Variants in BAIAP3 observed in about 807,000 individuals in gnomAD.
The protein encoded by BAIAP3 is BAI1-associated protein 3.
In BAIAP3, 180 loss-of-function variants were observed where a neutral mutation model predicts 149.7. That is an observed-to-expected ratio of 1.20 (90% CI 1.07 to 1.36). The LOEUF (loss-of-function observed/expected upper bound fraction) is 1.36. BAIAP3 is among the 40% of genes most tolerant of loss of function. BAIAP3 has a pLI of 0.00. For synonymous variants in BAIAP3, 845 were observed against 670.7 expected, an observed-to-expected ratio of 1.26 and a Z score of -4.02; for missense variants, 1,767 against 1,563.4, an observed-to-expected ratio of 1.13 and a Z score of -2.20.
intron 1 of BAIAP3, chr16:1,334,470 G>T: frequency 1.7e-6 from 1 of 601,858 alleles, no homozygotes; most frequent in Non-Finnish European, 2.9e-6. Context: ...GCAGGGAGGG[G>T]GTCGGTGAGC....
In BAIAP3 at chr16:1,344,522, G is replaced by T; in HGVS notation, c.1656G>T (p.Glu552Asp). The T allele has an allele frequency of 6.2e-7, 1 of 1,612,978 alleles. No individual in the cohort carries two copies. ...DRILNDKSPR[E>D]QPGPQRLPGL... ...TCCTGAATGACAAGAGTCCCCGAGA[G>T]CAGGTGCAGTTGTGGGGGACCCTGG... The change falls in exon 18 of 34, where the codon GAG becomes GAT. Residue 552 changes from glutamate (E) to aspartate (D), a missense_variant. Physicochemically the swap from Glu to Asp is conservative, Grantham distance 45. Transcript: ENST00000426824.
Position 1,342,967 on chromosome 16 carries a change from T to C in BAIAP3, c.1216T>C (p.Cys406Arg), listed in dbSNP as rs1286532071. Reference sequence around the variant, plus strand: ...CAGCACACCAGCCGCCACCATCCTCTGCCTGCACGGAGCCCAGAGCAACCT... The same window carrying C: ...CAGCACACCAGCCGCCACCATCCTCCGCCTGCACGGAGCCCAGAGCAACCT... ...ELSTPAATILCLHGAQSNLSP... is the reference protein window; with the variant it reads ...ELSTPAATILRLHGAQSNLSP... The change falls in exon 14 of 34, where the codon TGC becomes CGC. Residue 406 changes from cysteine (C) to arginine (R), a missense_variant. Cys to Arg is a radical substitution (Grantham distance 180, BLOSUM62 -3). Coordinates refer to ENST00000426824, the MANE Select transcript of BAIAP3 (RefSeq NM_001199097.2). 6.2e-7 allele frequency: 1 copy of C among 1,611,126 alleles called. No individual in the cohort carries two copies. The highest frequency in any genetic ancestry group is 1.3e-5 in the African/African-American group (1 of 74,722).
intron 1 of BAIAP3, chr16:1,334,411 G>C (rs552188478): frequency 9.1e-6 from 5 of 547,786 alleles, no homozygotes; most frequent in Non-Finnish European, 1.6e-5. Context: ...TGGGGGTGTG[G>C]CTCCTGCGGG....
At chr16:1,337,106 G>GGTCT (rs933726821) in intron 1 of BAIAP3, among the ~76,000 whole-genome samples, 27 of 152,136 alleles carry the variant, frequency 1.8e-4, no homozygotes, top group Admixed American at 1.3e-4. Flanking sequence ...AGAGGTGGAG[G>GGTCT]GTCTGCACCT....
rs2033660447 is a variant in BAIAP3, at chr16:1,338,935, C to T, written c.165C>T (p.His55=). The change falls in exon 3 of 34, where the codon CAC becomes CAT. Residue 55 remains histidine, a synonymous_variant. Coordinates refer to ENST00000426824, the MANE Select transcript of BAIAP3 (RefSeq NM_001199097.2). ...GGGATGGCGTGGAGTTCTTTGCCCA[C>T]ATGCGCCTCATGCTGAAGAAGGGGG... is the stretch of plus-strand genomic sequence containing the variant. ...KPGDGVEFFA[H]MRLMLKKGEG... 3 of 1,613,156 alleles carry T rather than the reference C, an allele frequency of 1.9e-6. No individual in the cohort carries two copies. The highest frequency in any genetic ancestry group is 2.5e-6 in the Non-Finnish European group (3 of 1,179,964).
intron 14 of BAIAP3, 50 bp from the exon 15 acceptor site, chr16:1,343,343 C>T: frequency 6.4e-7 from 1 of 1,561,370 alleles, no homozygotes; most frequent in Non-Finnish European, 8.7e-7. Context: ...GCTGAGTGGG[C>T]ATGGCAGGGG....
intron 13 of BAIAP3, 29 bp from the exon 14 acceptor site, chr16:1,342,884 C>T (rs2034022050): frequency 6.2e-7 from 1 of 1,612,006 alleles, no homozygotes; most frequent in Non-Finnish European, 8.5e-7. Context: ...GCTGTCCCGC[C>T]TCCACCCACG....
rs2034449236 is a variant in BAIAP3, at chr16:1,347,355, G to T, written c.2809G>T (p.Asp937Tyr). ...GGGTTTGCCCCTGGAGAGCCTGAGG[G>T]ATGGAAGCTACAAGGTGAGGTGGGA... ...GQGLPLESLR[D>Y]GSYKRLKEEL... The change falls in exon 29 of 34, where the codon GAT becomes TAT. Residue 937 changes from aspartate (D) to tyrosine (Y), a missense_variant. Transcript: ENST00000426824. The T allele has an allele frequency of 6.2e-7, 1 of 1,613,492 alleles. No individual in the cohort carries two copies. The highest frequency in any genetic ancestry group is 1.3e-5 in the African/African-American group (1 of 74,924).
intron 33 of BAIAP3, 27 bp downstream of exon 33, chr16:1,348,328 G>T (rs757459817): frequency 6.2e-7 from 1 of 1,603,570 alleles, no homozygotes; most frequent in East Asian, 2.2e-5. Context: ...GTGGAGGCAG[G>T]GGCAGCGGGC....
intron 1 of BAIAP3, chr16:1,334,842 C>A: frequency 7.5e-7 from 1 of 1,329,352 alleles, no homozygotes; most frequent in South Asian, 1.3e-5. Flanking sequence ...AGCAGGGAAG[C>A]TGGAGAGAAG....
Position 1,347,923 on chromosome 16 carries a change from C to G in BAIAP3, c.3055C>G (p.Leu1019Val). ...GLSDPFVIVE[L>V]GPPHLFPLVR... ...AAGTGACCCCTTTGTGATCGTGGAG[C>G]TGGGCCCACCGCATCTCTTTCCACT... The change falls in exon 32 of 34, where the codon CTG becomes GTG. Residue 1019 changes from leucine to valine, a missense_variant. Transcript: ENST00000426824. The G allele has an allele frequency of 1.2e-6, 2 of 1,612,064 alleles. No individual in the cohort carries two copies. The highest frequency in any genetic ancestry group is 1.7e-6 in the Non-Finnish European group (2 of 1,179,940).
At chr16:1,338,446 T>A in intron 1 of BAIAP3, 94 bp from the exon 2 acceptor site, 1 of 398,834 alleles carries the variant, frequency 2.5e-6, no homozygotes, top group Non-Finnish European at 4.7e-6. Context: ...CTGCCCCACC[T>A]CTTCCCGCCC....
At chr16:1,341,515 G>A (rs201386178) in intron 8 of BAIAP3, 26 bp downstream of exon 8, 34 of 1,592,100 alleles carry the variant, frequency 2.1e-5, no homozygotes, top group Admixed American at 1.2e-4. Flanking sequence ...GTCTGGGTGC[G>A]GGAGGGGGGC....
chr16:1,339,788 G>GCACACAGGCTGCAGTTGCACACAGACACA (rs2033736796), intron 5 of BAIAP3, among the ~76,000 whole-genome samples, 185 bp downstream of exon 5: 2 of 117,712 alleles, frequency 1.7e-5, no homozygotes, highest in Admixed American at 8.3e-5. Context: ...ACAGACACAC[G>GCACACAGGCTGCAGTTGCACACAGACACA]CACACAGGCT....
intron 2 of BAIAP3, 48 bp downstream of exon 2, chr16:1,338,728 G>T: frequency 6.4e-7 from 1 of 1,559,412 alleles, no homozygotes; most frequent in African/African-American, 1.4e-5. Flanking sequence ...GCCATTTCCC[G>T]CCAGACTTCA....
intron 1 of BAIAP3, among the ~76,000 whole-genome samples, chr16:1,335,582 G>A (rs550284903): frequency 1.3e-5 from 2 of 152,320 alleles, no homozygotes; most frequent in East Asian, 3.9e-4. Context: ...CAGCAGCTCC[G>A]GCCTCTGTGG....
chr16:1,347,585 G>C lies in BAIAP3; in HGVS notation c.2864G>C (p.Arg955Pro), dbSNP rs377365128. The C allele has an allele frequency of 5.0e-6, 8 of 1,612,714 alleles. No individual in the cohort carries two copies. The highest frequency in any genetic ancestry group is 6.8e-6 in the Non-Finnish European group (8 of 1,179,886). ...EELRLHKCST[R>P]ECIEQFYLDK... ...CTGCGGCTGCACAAATGTTCCACCC[G>C]CGAGTGCATCGAGCAGTTCTACCTG... Residue 955 changes from arginine (R) to proline (P), a missense_variant, in exon 30 of 34, where the codon CGC (arginine) becomes CCC (proline). Arg to Pro is a moderately radical substitution (Grantham distance 103). Transcript: ENST00000426824.
intron 28 of BAIAP3, 49 bp downstream of exon 28, chr16:1,347,004 G>T (rs2034423375): frequency 1.3e-6 from 2 of 1,507,512 alleles, no homozygotes; most frequent in Admixed American, 3.8e-5. Context: ...CCTCAGGGCT[G>T]CTCTGATCCC....
chr16:1,342,891 C>G, intron 13 of BAIAP3, 22 bp from the exon 14 acceptor site: 1 of 1,612,138 alleles, frequency 6.2e-7, no homozygotes, highest in South Asian at 1.1e-5. Flanking sequence ...CGCCTCCACC[C>G]ACGACAGACC....
Sources: gnomAD v4.1 joint callset for allele counts (sites outside exome capture counted in the v4.1 genomes callset) on GRCh38, gnomAD v4.1.1 for gene constraint, MANE v1.5 for transcripts, NCBI Gene and HGNC (gene_info 2026-07-23, HGNC 2026-07-21) for gene names.